CALD1: variants seen among roughly 807,000 people sequenced by gnomAD.
The protein encoded by CALD1 is caldesmon.
A neutral mutation model predicts 99.9 loss-of-function variants in CALD1; 33 were observed. The ratio of observed to expected loss-of-function variants is 0.33; its 90% CI spans 0.25 to 0.44. CALD1 has a LOEUF of 0.44. Among genes scored for constraint, CALD1 ranks in the 20% least tolerant of loss-of-function variants. The probability of loss-of-function intolerance (pLI) is 1.00; values close to 1 mark genes in which losing one functional copy is unlikely to be tolerated. For synonymous variants in CALD1, 310 were observed against 325.0 expected (o/e 0.95, Z 0.50); for missense variants, 861 against 962.1 (o/e 0.89, Z 1.39).
chr7:134,763,744 C>T (rs1585902331), intron 1 of CALD1, among the ~76,000 whole-genome samples: 1 of 151,942 alleles, frequency 6.6e-6, no homozygotes, highest in Non-Finnish European at 1.5e-5. Flanking sequence ...ATGGTGAAAC[C>T]CCGTCTCTAC....
At chr7:134,738,399 T>A in the CALD1 span, among the ~76,000 whole-genome samples, 1 of 152,184 alleles carries the variant, frequency 6.6e-6, no homozygotes, top group Non-Finnish European at 1.5e-5. Flanking sequence ...TGCCATCTCA[T>A]CAGAATTAGA....
At position 134,923,475 on chromosome 7, in the gene CALD1, C is replaced by A. The variant is rs1179596800; in HGVS notation, c.72-5279C>A. 1.3e-5 allele frequency among the ~76,000 whole-genome samples: 2 copies of A among 152,192 alleles called. 1 individual carries two copies. Among genetic ancestry groups the A allele is most frequent in the South Asian group, 4.1e-4 (2 of 4,832 alleles). ...CTCCTTCTGAATCATCTGGGAACAT[C>A]ACTTGGCTTTGTTCTGTAGCATATG... On this transcript the variant is annotated intron_variant, in intron 3 of 14. Transcript: ENST00000361675.
intron 14 of CALD1, 57 bp downstream of exon 14, chr7:134,965,443 G>T: frequency 2.4e-6 from 2 of 850,026 alleles, no homozygotes; most frequent in East Asian, 4.8e-5. Flanking sequence ...GTATGGTGTA[G>T]TATAATGTCC....
At chr7:134,757,637 T>C (rs193082252) in intron 1 of CALD1, among the ~76,000 whole-genome samples, 1 of 152,020 alleles carries the variant, frequency 6.6e-6, no homozygotes, top group Non-Finnish European at 1.5e-5. Flanking sequence ...TCCCAGCACT[T>C]TGGGAGGCCG....
At chr7:134,923,314 G>A (rs1804752236) in intron 3 of CALD1, among the ~76,000 whole-genome samples, 1 of 152,198 alleles carries the variant, frequency 6.6e-6, no homozygotes, top group African/African-American at 2.4e-5. Flanking sequence ...ATTTCATAGA[G>A]AAGTACTTTA....
At chr7:134,967,327 G>C (rs1401100575) in intron 14 of CALD1, among the ~76,000 whole-genome samples, 1 of 152,102 alleles carries the variant, frequency 6.6e-6, no homozygotes, top group East Asian at 1.9e-4. Flanking sequence ...TGAGGTAGCA[G>C]ATTAGGTACC....
rs745620676 is a variant in CALD1, at chr7:134,927,216, C to CA, written c.72-1537dup. 2.2e-4 allele frequency among the ~76,000 whole-genome samples: 34 copies of CA among 152,208 alleles called. No homozygotes were observed. In the Middle Eastern group the frequency reaches 0.01, roughly 46 times the overall value. ...TTGAGTTTGAGCATCTGCAGTTGCC[C>CA]AGCCCCAATTCTTTATTTGGAAATA... is the stretch of plus-strand genomic sequence containing the variant. On this transcript the variant is annotated intron_variant, in intron 3 of 14. Transcript: ENST00000361675.
chr7:134,757,894 A>T (rs746789182), intron 1 of CALD1, among the ~76,000 whole-genome samples: 1 of 148,742 alleles, frequency 6.7e-6, no homozygotes, highest in African/African-American at 2.6e-5. Flanking sequence ...ATAAAAATAA[A>T]AAAAAAAAGG....
intron 14 of CALD1, among the ~76,000 whole-genome samples, chr7:134,967,871 C>T (rs945234523): frequency 6.6e-6 from 1 of 152,176 alleles, no homozygotes; most frequent in African/African-American, 2.4e-5. Context: ...CAGCCAGGCG[C>T]AGTGGCTCAC....
intron 14 of CALD1, 169 bp downstream of exon 14, chr7:134,965,555 G>A: frequency 1.9e-6 from 1 of 531,796 alleles, no homozygotes. Flanking sequence ...AAAGCGCATT[G>A]CAAGTTTGTC....
At chr7:134,870,923 G>A (rs1273512988) in intron 3 of CALD1, among the ~76,000 whole-genome samples, 1 of 152,158 alleles carries the variant, frequency 6.6e-6, no homozygotes, top group Non-Finnish European at 1.5e-5. Context: ...TGAAAGTCAG[G>A]CTTCATGGTT....
At chr7:134,954,437 C>T (rs911013281) in intron 9 of CALD1, among the ~76,000 whole-genome samples, 29 of 152,116 alleles carry the variant, frequency 1.9e-4, no homozygotes, top group Non-Finnish European at 5.9e-5. Context: ...TGTTAAATTC[C>T]TTAAACAGAA....
chr7:134,931,596 T>C (rs1805525520), intron 4 of CALD1, among the ~76,000 whole-genome samples: 1 of 152,186 alleles, frequency 6.6e-6, no homozygotes, highest in Non-Finnish European at 1.5e-5. Flanking sequence ...AACTATGAAA[T>C]TTGATGGAGT....
intron 9 of CALD1, among the ~76,000 whole-genome samples, chr7:134,957,360 A>T (rs1236904898): frequency 6.6e-6 from 1 of 152,182 alleles, no homozygotes; most frequent in African/African-American, 2.4e-5. Context: ...TCTCTAGTAA[A>T]TACATCCTAA....
intron 1 of CALD1, among the ~76,000 whole-genome samples, chr7:134,805,929 T>G (rs1251946139): frequency 6.6e-6 from 1 of 151,334 alleles, no homozygotes. Flanking sequence ...CCCGGCCAAT[T>G]TTTGTATTTT....
chr7:134,893,046 G>T (rs1459907905), intron 3 of CALD1, among the ~76,000 whole-genome samples: 1 of 152,160 alleles, frequency 6.6e-6, no homozygotes, highest in Non-Finnish European at 1.5e-5. Flanking sequence ...TAGAGCGTGG[G>T]ATGCTAGGAA....
upstream of CALD1, among the ~76,000 whole-genome samples, chr7:134,774,791 A>G (rs1395447554): frequency 6.6e-6 from 1 of 152,180 alleles, no homozygotes; most frequent in Non-Finnish European, 1.5e-5. Context: ...TCCATTTTCC[A>G]TAGTCCAAAA....
rs1796898530 is a variant in CALD1, at chr7:134,774,037, G to A, written c.-130+29674G>A. On this transcript the variant is annotated intron_variant, in intron 1 of 13. Coordinates refer to the CALD1 transcript ENST00000417172. ...ATACAAAAATTAGCCGGGTGTGGTG[G>A]TGGGCACCTGTAATCCCAGCTACTT... is the stretch of plus-strand genomic sequence containing the variant. Among the ~76,000 whole-genome samples, 7 of 152,088 alleles carry A rather than the reference G, an allele frequency of 4.6e-5. No individual in the cohort carries two copies. In the South Asian group the frequency reaches 1.5e-3, roughly 32 times the overall value.
chr7:134,823,789 T>C (rs891509650), intron 1 of CALD1, among the ~76,000 whole-genome samples: 2 of 152,228 alleles, frequency 1.3e-5, no homozygotes, highest in Non-Finnish European at 2.9e-5. Flanking sequence ...ATTCAATCCT[T>C]TTGGGGTGTT....
Sources: gnomAD v4.1 joint callset for allele counts (sites outside exome capture counted in the v4.1 genomes callset) on GRCh38, gnomAD v4.1.1 for gene constraint, MANE v1.5 for transcripts, NCBI Gene and HGNC (gene_info 2026-07-23, HGNC 2026-07-21) for gene names.